LRP1B: variants seen among roughly 807,000 people sequenced by gnomAD.
LRP1B encodes the protein low-density lipoprotein receptor-related protein 1B.
In LRP1B, 217 loss-of-function variants were observed where a neutral mutation model predicts 556.6. The observed-to-expected ratio is 0.39, with a 90% CI of 0.35 to 0.44. LRP1B has a LOEUF of 0.44. LRP1B is among the 20% of genes least tolerant of loss of function. LRP1B has a pLI of 1.00. For missense variants in LRP1B, 5,053 were observed against 5,620.8 expected, an observed-to-expected ratio of 0.90 and a Z score of 3.23; for synonymous variants, 2,047 against 1,865.8, an observed-to-expected ratio of 1.10 and a Z score of -2.50.
At chr2:140,486,666 C>A (rs1319915646) in intron 58 of LRP1B, among the ~76,000 whole-genome samples, 1 of 151,642 alleles carries the variant, frequency 6.6e-6, no homozygotes, top group Non-Finnish European at 1.5e-5. Flanking sequence ...GTAATATAAT[C>A]TTCACAGTTT....
At chr2:140,322,123 A>G (rs750236176) in intron 81 of LRP1B, 35 bp from the exon 82 acceptor site, 3 of 1,592,616 alleles carry the variant, frequency 1.9e-6, no homozygotes, top group Non-Finnish European at 2.6e-6. Flanking sequence ...AAGTGTGTAA[A>G]TATAGATACA....
chr2:141,302,724 T>C (rs1191118212), intron 3 of LRP1B, among the ~76,000 whole-genome samples: 1 of 152,106 alleles, frequency 6.6e-6, no homozygotes. Context: ...AAACAAATAA[T>C]ACAAGTGAAA....
intron 3 of LRP1B, among the ~76,000 whole-genome samples, chr2:141,334,429 T>C (rs1311725312): frequency 6.6e-6 from 1 of 152,280 alleles, no homozygotes; most frequent in African/African-American, 2.4e-5. Flanking sequence ...CCCTGCGGCC[T>C]TACAGCCATG....
intron 7 of LRP1B, among the ~76,000 whole-genome samples, chr2:141,181,666 C>T (rs567421227): frequency 8.6e-5 from 13 of 152,018 alleles, no homozygotes; most frequent in African/African-American, 2.9e-4. Flanking sequence ...AATCAATTTG[C>T]CTTCCATTTC....
At chr2:140,638,712 A>G (rs781512697) in intron 41 of LRP1B, among the ~76,000 whole-genome samples, 1 of 152,164 alleles carries the variant, frequency 6.6e-6, no homozygotes, top group Non-Finnish European at 1.5e-5. Flanking sequence ...GGTGTACTCT[A>G]CAAGGCATGG....
chr2:142,008,823 T>A (rs1230453475), intron 1 of LRP1B, among the ~76,000 whole-genome samples: 1 of 152,124 alleles, frequency 6.6e-6, no homozygotes, highest in African/African-American at 2.4e-5. Context: ...GCTCCTGGTA[T>A]ATAGTTGGTA....
chr2:140,640,490 G>A (rs1684253042), intron 41 of LRP1B, among the ~76,000 whole-genome samples: 1 of 126,386 alleles, frequency 7.9e-6, no homozygotes, highest in Non-Finnish European at 1.6e-5. Context: ...CCGCCTCCCG[G>A]GTTCACGCCA....
At chr2:140,360,995 G>A (rs571362737) in intron 72 of LRP1B, among the ~76,000 whole-genome samples, 1 of 151,292 alleles carries the variant, frequency 6.6e-6, no homozygotes, top group East Asian at 2.0e-4. Context: ...CAACTCTTCA[G>A]CTTTATCTTA....
intron 1 of LRP1B, among the ~76,000 whole-genome samples, chr2:141,823,024 C>T (rs1696806171): frequency 2.0e-5 from 3 of 152,048 alleles, no homozygotes; most frequent in Admixed American, 2.0e-4. Flanking sequence ...TTGTTCATTG[C>T]CTACCCAGCA....
At chr2:141,467,841 G>GT (rs1559087193) in intron 3 of LRP1B, among the ~76,000 whole-genome samples, 6 of 106,296 alleles carry the variant, frequency 5.6e-5, no homozygotes, top group African/African-American at 2.8e-4. Flanking sequence ...TTGCGGACCG[G>GT]GGGGGGGGGA....
At chr2:140,951,962 C>T (rs1695729789) in intron 18 of LRP1B, 22 bp from the exon 19 acceptor site, 1 of 1,543,780 alleles carries the variant, frequency 6.5e-7, no homozygotes, top group Non-Finnish European at 9.0e-7. Context: ...ATAAAAATGT[C>T]CAAAAGGTAA....
In LRP1B at chr2:140,330,685, G is replaced by A. The variant is rs191575057; in HGVS notation, c.12223+3768C>T. On this transcript the variant is annotated intron_variant, in intron 79 of 90. Transcript: ENST00000389484. The stretch of plus-strand genomic sequence containing the variant: ...AAGGCAACGATTTCATGATGAAGAT[G>A]CCAAAAGCAATTGTTAACAAGAAAA... Among the ~76,000 whole-genome samples the A allele has an allele frequency of 9.4e-5, 12 of 127,710 alleles. No homozygotes were observed. In the East Asian group the frequency reaches 2.0e-3, roughly 21 times the overall value. 83.8% of individuals were successfully genotyped at this position (127,710 alleles called of 152,430 possible).
At chr2:141,623,844 G>A (rs906170243) in intron 2 of LRP1B, among the ~76,000 whole-genome samples, 4 of 151,330 alleles carry the variant, frequency 2.6e-5, no homozygotes, top group Admixed American at 6.6e-5. Context: ...GTGAAACTCC[G>A]TCTCTGCTAA....
At chr2:141,944,830 C>T (rs573484136) in intron 1 of LRP1B, among the ~76,000 whole-genome samples, 34 of 151,992 alleles carry the variant, frequency 2.2e-4, no homozygotes, top group Non-Finnish European at 4.4e-4. Context: ...TCTACCATGC[C>T]CTTTCTTCTC....
chr2:141,424,048 G>A (rs1168851147), intron 3 of LRP1B, among the ~76,000 whole-genome samples: 2 of 151,184 alleles, frequency 1.3e-5, no homozygotes, highest in Non-Finnish European at 2.9e-5. Context: ...CACAATTTCT[G>A]TCCAATGGAT....
At chr2:140,331,389 C>T (rs1166297777) in intron 79 of LRP1B, among the ~76,000 whole-genome samples, 1 of 151,940 alleles carries the variant, frequency 6.6e-6, no homozygotes, top group Non-Finnish European at 1.5e-5. Context: ...TTTATTGTGT[C>T]TTATACGGTG....
chr2:141,760,283 A>G (rs1694491690), intron 2 of LRP1B, among the ~76,000 whole-genome samples: 1 of 152,188 alleles, frequency 6.6e-6, no homozygotes. Flanking sequence ...TACTAAGACG[A>G]TATGAAAAAT....
intron 43 of LRP1B, among the ~76,000 whole-genome samples, chr2:140,562,873 C>G (rs1680982348): frequency 6.6e-6 from 1 of 152,148 alleles, no homozygotes; most frequent in African/African-American, 2.4e-5. Flanking sequence ...GCTTCAGCGT[C>G]CCAAAGTGCT....
chr2:140,900,885 C>T (rs1694085305), intron 23 of LRP1B, among the ~76,000 whole-genome samples: 1 of 152,058 alleles, frequency 6.6e-6, no homozygotes, highest in South Asian at 2.1e-4. Flanking sequence ...GCCAGCACGT[C>T]TCAAAGAATA....
Sources: gnomAD v4.1 joint callset for allele counts (sites outside exome capture counted in the v4.1 genomes callset) on GRCh38, gnomAD v4.1.1 for gene constraint, MANE v1.5 for transcripts, NCBI Gene and HGNC (gene_info 2026-07-23, HGNC 2026-07-21) for gene names.